The following MYO15A variants were observed in gnomAD, a reference collection of about 807,000 sequenced individuals.
The protein encoded by MYO15A is myosin XVA, also known as unconventional myosin-XV.
MYO15A carries 308 observed loss-of-function variants against 394.6 expected under a neutral mutation model. The observed-to-expected ratio is 0.78, with a 90% CI of 0.71 to 0.86. MYO15A has a LOEUF of 0.86. MYO15A is among the 40% of genes least tolerant of loss of function. MYO15A has a pLI of 0.00. For synonymous variants in MYO15A, 1,957 were observed against 2,003.8 expected (o/e 0.98, Z 0.62); for missense variants, 4,606 against 4,799.1 (o/e 0.96, Z 1.19).
intron 8 of MYO15A, 36 bp from the exon 9 acceptor site, chr17:18,131,203 A>T (rs1458627780): frequency 6.3e-7 from 1 of 1,579,684 alleles, no homozygotes; most frequent in South Asian, 1.1e-5. Context: ...AACAGTGCCT[A>T]GCCCCTCAAT....
chr17:18,138,512 T>C (rs913215421), intron 17 of MYO15A, among the ~76,000 whole-genome samples: 3 of 152,172 alleles, frequency 2.0e-5, no homozygotes, highest in African/African-American at 7.2e-5. Context: ...CAAATCCTGA[T>C]TGCAAAACAC....
chr17:18,119,593 G>C lies in MYO15A; in HGVS notation c.793G>C (p.Gly265Arg), dbSNP rs764355744. The stretch of plus-strand genomic sequence containing the variant: ...GCAGGAACCCTACCTGGCGGGCCTC[G>C]GCCCCTACAGCCCGGCCTGGCCACC... ...EEQEPYLAGL[G>R]PYSPAWPPYG... The change falls in exon 2 of 66, where the codon GGC becomes CGC. Residue 265 changes from glycine (G) to arginine (R), a missense_variant. Gly to Arg is a moderately radical substitution (Grantham distance 125, BLOSUM62 -2). This residue lies in a region of MYO15A where 1,830 missense variants were observed against 1,689.7 expected (regional missense o/e 1.08). Coordinates refer to ENST00000647165, the MANE Select transcript of MYO15A (RefSeq NM_016239.4). 49 of 1,604,150 alleles carry C rather than the reference G, an allele frequency of 3.1e-5. No individual in the cohort carries two copies. Among genetic ancestry groups the C allele is most frequent in the Non-Finnish European group, 4.0e-5 (47 of 1,179,918 alleles).
chr17:18,135,587 C>T (rs949879482), intron 12 of MYO15A, 124 bp from the exon 13 acceptor site: 29 of 868,050 alleles, frequency 3.3e-5, no homozygotes, highest in South Asian at 1.9e-4. Context: ...GTGATCCACC[C>T]GCCTCAGCCT....
chr17:18,178,957 C>A lies in MYO15A; in HGVS notation c.*87C>A. On this transcript the variant is annotated 3_prime_UTR_variant, in exon 66 of 66. Transcript: ENST00000647165. ...CACTGAACCTCTCAGGATCAATGAC[C>A]CCTGTAAGGGGCCAGAGCCTTGGAG... is the stretch of plus-strand genomic sequence containing the variant. 1.5e-6 allele frequency: 2 copies of A among 1,351,890 alleles called. No individual in the cohort carries two copies. The highest frequency in any genetic ancestry group is 2.1e-6 in the Non-Finnish European group (2 of 967,810). The allele number at this position is 1,351,890 out of a possible 1,614,324, so 83.7% of individuals were successfully genotyped here.
Position 18,172,974 on chromosome 17 carries a change from C to T in MYO15A, c.10350+684C>T, listed in dbSNP as rs73980811. Among the ~76,000 whole-genome samples the T allele has an allele frequency of 2.7e-3, 411 of 152,270 alleles. 2 individuals are homozygous for T. Among genetic ancestry groups the T allele is most frequent in the African/African-American group, 9.3e-3 (387 of 41,540 alleles). Reference sequence around the variant, plus strand: ...TTTTTGCTCCCAGAACTAGACCCTGCGACAGGGATTCCAGGGCAAGTGGTT... The same window carrying T: ...TTTTTGCTCCCAGAACTAGACCCTGTGACAGGGATTCCAGGGCAAGTGGTT... On this transcript the variant is annotated intron_variant, in intron 64 of 65. Transcript: ENST00000647165.
At position 18,161,444 on chromosome 17, in the gene MYO15A, C is replaced by T; in HGVS notation, c.9514C>T (p.Gln3172Ter). The T allele has an allele frequency of 6.2e-7, 1 of 1,613,748 alleles. No individual in the cohort carries two copies. Among genetic ancestry groups the T allele is most frequent in the Non-Finnish European group, 8.5e-7 (1 of 1,180,030 alleles). The change falls in exon 57 of 66, where the codon CAG becomes TAG. Residue 3172 changes from glutamine to a stop codon, truncating the protein, a stop_gained. Transcript: ENST00000647165. LOFTEE classifies it high-confidence loss of function. ...DVSRTPGLPF[Q>*]GIAKACEQNL... ...GAGCCGGACCCCAGGCCTGCCCTTT[C>T]AGGGTGAGAGGTCAATGAGTGGGAA... is the stretch of plus-strand genomic sequence containing the variant.
chr17:18,157,931 G>GGGGGGGGGGGGCT, intron 51 of MYO15A, 31 bp downstream of exon 51: 1 of 412,722 alleles, frequency 2.4e-6, no homozygotes, highest in Non-Finnish European at 4.5e-6. Flanking sequence ...GTGGGGCGGG[G>GGGGGGGGGGGGCT]TAGACCAGGG....
At position 18,148,889 on chromosome 17, in the gene MYO15A, G is replaced by A. The variant is rs1001523088; in HGVS notation, c.6893G>A (p.Arg2298Gln). The A allele has an allele frequency of 6.2e-6, 10 of 1,607,580 alleles. No individual in the cohort carries two copies. The highest frequency in any genetic ancestry group is 4.5e-5 in the East Asian group (2 of 44,672). ...SDLELLRDFP[R>Q]QKSYFIVGTE... is the part of the protein sequence containing the mutation. Reference sequence around the variant, plus strand: ...CTGGAGCTGCTCAGGGACTTCCCTCGACAGAAGTCCTACTTCATTGTGGGC... The same window carrying A: ...CTGGAGCTGCTCAGGGACTTCCCTCAACAGAAGTCCTACTTCATTGTGGGC... The change falls in exon 33 of 66, where the codon CGA (arginine) becomes CAA (glutamine). Residue 2298 changes from arginine to glutamine, a missense_variant. Physicochemically the swap from Arg to Gln is conservative, Grantham distance 43 (BLOSUM62 1). Transcript: ENST00000647165. The surrounding 1 kb of genome is among the most constrained non-coding windows in gnomAD (Gnocchi z 4.8).
intron 7 of MYO15A, 85 bp downstream of exon 7, chr17:18,127,250 T>A (rs1442595256): frequency 7.4e-6 from 11 of 1,494,824 alleles, no homozygotes; most frequent in Non-Finnish European, 6.4e-6. Flanking sequence ...GCAAGGCTCC[T>A]TGGCCCACCA....
chr17:18,178,873 C>T lies in MYO15A; in HGVS notation c.*3C>T, dbSNP rs2142451402. On this transcript the variant is annotated 3_prime_UTR_variant, in exon 66 of 66. Transcript: ENST00000647165. Reference sequence around the variant, plus strand: ...CCAGCGAGATCACCCTGCTCTGACCCAGCCCCCAGCCCTCCAGTACCTTCT... The same window carrying T: ...CCAGCGAGATCACCCTGCTCTGACCTAGCCCCCAGCCCTCCAGTACCTTCT... 6.2e-7 allele frequency: 1 copy of T among 1,612,152 alleles called. No individual in the cohort carries two copies. Among genetic ancestry groups the T allele is most frequent in the East Asian group, 2.2e-5 (1 of 44,868 alleles).
At chr17:18,162,746 T>C (rs1034970004) in intron 58 of MYO15A, 67 bp downstream of exon 58, 1 of 1,533,534 alleles carries the variant, frequency 6.5e-7, no homozygotes, top group East Asian at 2.3e-5. Context: ...ATGCCTGTAA[T>C]CCCAGCACTT....
chr17:18,140,668 G>C lies in MYO15A; in HGVS notation c.5360+3G>C, dbSNP rs765520254. The C allele has an allele frequency of 4.3e-6, 7 of 1,613,938 alleles. No individual in the cohort carries two copies. In the South Asian group the frequency reaches 6.6e-5, roughly 15 times the overall value. On this transcript the variant is annotated splice_donor_region_variant and intron_variant, in intron 20 of 65. Transcript: ENST00000647165. ...GATCTGGTGGAAAAGATGGAGAGGT[G>C]GGGTGGGGGGCAGGTGGGCGGAGCA...
At chr17:18,133,189 C>T in intron 11 of MYO15A, 36 bp from the exon 12 acceptor site, 1 of 1,610,966 alleles carries the variant, frequency 6.2e-7, no homozygotes, top group Non-Finnish European at 8.5e-7. Flanking sequence ...CAGCCCCACC[C>T]AAGCTCCCTG....
chr17:18,131,602 G>A, intron 10 of MYO15A, 71 bp downstream of exon 10: 1 of 1,565,304 alleles, frequency 6.4e-7, no homozygotes, highest in East Asian at 2.3e-5. Flanking sequence ...TCAGAGCCTG[G>A]CCCCTGGTAG....
chr17:18,161,334 G>C lies in MYO15A; in HGVS notation c.9404G>C (p.Gly3135Ala), dbSNP rs1263066352. The change falls in exon 57 of 66, where the codon GGC becomes GCC. Residue 3135 changes from glycine to alanine, a missense_variant. Transcript: ENST00000647165. ...TSSKQDSCQR[G>A]WRLLYIVTAY... ...CCTTGCAGGGACAGCTGCCAGCGAG[G>C]CTGGAGGCTGCTGTATATCGTGACC... 1 of 1,613,984 alleles carries C rather than the reference G, an allele frequency of 6.2e-7. No individual in the cohort carries two copies. Among genetic ancestry groups the C allele is most frequent in the South Asian group, 1.1e-5 (1 of 91,080 alleles).
In MYO15A at chr17:18,151,269, G is replaced by C. The variant is rs577721556; in HGVS notation, c.7633G>C (p.Asp2545His). 1.9e-6 allele frequency: 3 copies of C among 1,614,160 alleles called. No individual in the cohort carries two copies. In the South Asian group the frequency reaches 3.3e-5, roughly 18 times the overall value. The change falls in exon 39 of 66, where the codon GAT (aspartate) becomes CAT (histidine). Residue 2545 changes from aspartate to histidine, a missense_variant. By Grantham distance (81) the Asp-to-His change is moderately conservative (BLOSUM62 -1). Around this residue, in one of 2 missense-constraint regions of MYO15A, gnomAD observed 2,776 missense variants for 3,109.3 expected, o/e 0.89. Transcript: ENST00000647165. ...KPVAAPVLAQ[D>H]QASPETTSPS... ...TGTGGCTGCCCCTGTTCTAGCTCAGGATCAGGCTTCTCCAGAAACCAGTGA... is the reference window on the plus strand; with the variant it reads ...TGTGGCTGCCCCTGTTCTAGCTCAGCATCAGGCTTCTCCAGAAACCAGTGA...
Position 18,148,514 on chromosome 17 carries a change from C to T in MYO15A, c.6710C>T (p.Pro2237Leu), listed in dbSNP as rs1244175690. Residue 2237 changes from proline (P) to leucine (L), a missense_variant, in exon 32 of 66, where the codon CCG becomes CTG. Pro to Leu is a moderately conservative substitution (Grantham distance 98). Transcript: ENST00000647165. The surrounding 1 kb of genome is among the most constrained non-coding windows in gnomAD (Gnocchi z 4.8). ...GCCCCAGGTGACCAGTTCTCCTGCC[C>T]GGTGCACTCCTGGAGTACGGGGGAA... ...GCFNGDQFSCPVHSWSTGEEV... is the reference protein window; with the variant it reads ...GCFNGDQFSCLVHSWSTGEEV... 1.2e-5 allele frequency: 19 copies of T among 1,552,638 alleles called. No individual in the cohort carries two copies. The highest frequency in any genetic ancestry group is 5.8e-5 in the Admixed American group (3 of 51,288).
At position 18,153,836 on chromosome 17, in the gene MYO15A, C is replaced by A; in HGVS notation, c.8028C>A (p.Leu2676=). The change falls in exon 43 of 66, where the codon CTC becomes CTA. Residue 2676 remains leucine, a synonymous_variant. Transcript: ENST00000647165. This position sits in a 1 kb window ranked among gnomAD's most constrained non-coding sequence, Gnocchi z 4.1. ...EELTQTRLHR[L]INPNFYGYQD... is the part of the protein sequence containing the mutation. Reference sequence around the variant, plus strand: ...TCACGCAGACGCGGCTGCACCGCCTCATCAATCCCAACTTCTACGGCTATC... The same window carrying A: ...TCACGCAGACGCGGCTGCACCGCCTAATCAATCCCAACTTCTACGGCTATC... 3 of 1,613,662 alleles carry A rather than the reference C, an allele frequency of 1.9e-6. No individual in the cohort carries two copies. The highest frequency in any genetic ancestry group is 2.2e-5 in the South Asian group (2 of 91,086).
chr17:18,121,597 A>T lies in MYO15A; in HGVS notation c.2797A>T (p.Met933Leu). Residue 933 changes from methionine to leucine, a missense_variant, in exon 2 of 66, where the codon ATG (methionine) becomes TTG (leucine). Met to Leu is a conservative substitution (Grantham distance 15, BLOSUM62 2). Coordinates refer to ENST00000647165, the MANE Select transcript of MYO15A (RefSeq NM_016239.4). The surrounding 1 kb of genome is among the most constrained non-coding windows in gnomAD (Gnocchi z 5.3). Reference protein sequence around the residue: ...PPLAPSWDVDMPPTQRPPSPW... With the variant: ...PPLAPSWDVDLPPTQRPPSPW... ...ACTGGCCCCCAGCTGGGACGTGGAC[A>T]TGCCTCCCACCCAACGCCCACCCTC... The T allele has an allele frequency of 1.3e-6, 2 of 1,598,984 alleles. No individual in the cohort carries two copies. Among genetic ancestry groups the T allele is most frequent in the Non-Finnish European group, 1.7e-6 (2 of 1,172,326 alleles).
Sources: gnomAD v4.1 joint callset for allele counts (sites outside exome capture counted in the v4.1 genomes callset) on GRCh38, gnomAD v4.1.1 for gene constraint, gnomAD v4.1.1 regional missense constraint, Gnocchi (gnomAD v3.1) non-coding constraint, MANE v1.5 for transcripts, NCBI Gene and HGNC (gene_info 2026-07-23, HGNC 2026-07-21) for gene names.